Variants in PNKP observed in about 807,000 individuals in gnomAD.
PNKP encodes the protein bifunctional polynucleotide phosphatase/kinase.
Under a neutral mutation model 66.2 loss-of-function variants are expected in PNKP, and 82 were observed. The ratio of observed to expected loss-of-function variants is 1.24; its 90% confidence interval spans 1.04 to 1.49. The LOEUF (loss-of-function observed/expected upper bound fraction) is 1.49, where lower values mean the gene tolerates loss of function less well. Ranked by LOEUF, PNKP falls within the 40% of genes most tolerant of loss-of-function variation. The probability of loss-of-function intolerance (pLI) is 0.00; values close to 1 mark genes in which losing one functional copy is unlikely to be tolerated. For synonymous variants in PNKP, 412 were observed against 298.9 expected (o/e 1.38, Z -3.90); for missense variants, 907 against 706.8 (o/e 1.28, Z -3.21).
rs754981151 is a variant in PNKP at position 49,861,812 on chromosome 19, C to A, written c.1258G>T (p.Ala420Ser). Residue 420 changes from alanine (A) to serine (S), a missense_variant, in exon 14 of 17, where the codon GCC (alanine) becomes TCC (serine). By Grantham distance (99) the Ala-to-Ser change is moderately conservative. Coordinates refer to ENST00000322344, the MANE Select transcript of PNKP (RefSeq NM_007254.4). Reference protein sequence around the residue: ...ETALKQGKRVAIDNTNPDAAS... With the variant: ...ETALKQGKRVSIDNTNPDAAS... Reference sequence around the variant, plus strand: ...GCGTCTGGGTTTGTGTTGTCGATGGCGACCCGTTTCCCTTGCTTCAGGGCT... The same window carrying A: ...GCGTCTGGGTTTGTGTTGTCGATGGAGACCCGTTTCCCTTGCTTCAGGGCT... 18 of 1,581,774 alleles carry A rather than the reference C, an allele frequency of 1.1e-5. No homozygotes were observed. The South Asian group carries it at 1.9e-4, about 17-fold the overall frequency.
intron 14 of PNKP, 25 bp downstream of exon 14, chr19:49,861,747 A>C (rs1309726675): frequency 6.4e-7 from 1 of 1,556,984 alleles, no homozygotes; most frequent in Non-Finnish European, 8.7e-7. Flanking sequence ...GCCGCAGGCC[A>C]CCTACGGCCC....
intron 2 of PNKP, 120 bp downstream of exon 2, chr19:49,866,934 G>A (rs1173725916): frequency 1.1e-6 from 1 of 932,364 alleles, no homozygotes; most frequent in Non-Finnish European, 1.8e-6. Flanking sequence ...TCCCTAGAGA[G>A]CACCTTCCGA....
intron 2 of PNKP, chr19:49,866,678 T>C: frequency 1.6e-6 from 1 of 630,790 alleles, no homozygotes; most frequent in South Asian, 1.8e-5. Context: ...GGTTTCCTCC[T>C]TGACAAAAAA....
intron 5 of PNKP, 24 bp from the exon 6 acceptor site, chr19:49,864,260 G>C (rs2074801998): frequency 6.2e-7 from 1 of 1,613,708 alleles, no homozygotes; most frequent in Admixed American, 1.7e-5. Flanking sequence ...GAAGCGGCAG[G>C]GGTGACCCGG....
At position 49,864,334 on chromosome 19, in the gene PNKP, T is replaced by C. The variant is rs1433797074; in HGVS notation, c.568A>G (p.Ser190Gly). The change falls in exon 5 of 17, where the codon AGT becomes GGT. Residue 190 changes from serine (S) to glycine (G), a missense_variant. Coordinates refer to ENST00000322344, the MANE Select transcript of PNKP (RefSeq NM_007254.4). ...TTTGCCTCTTATCACCTCCAGTCAC[T>C]GGGGCCAGTGGGAAAGACCTTCCCA... Reference protein sequence around the residue: ...RSGKVFPTGPSDWRILYPEIP... With the variant: ...RSGKVFPTGPGDWRILYPEIP... 6.2e-7 allele frequency: 1 copy of C among 1,613,782 alleles called. No homozygotes were observed. The highest frequency in any genetic ancestry group is 8.5e-7 in the Non-Finnish European group (1 of 1,179,736).
intron 8 of PNKP, among the ~76,000 whole-genome samples, 164 bp downstream of exon 8, chr19:49,863,525 C>T (rs952978889): frequency 2.0e-5 from 3 of 152,236 alleles, no homozygotes; most frequent in African/African-American, 7.2e-5. Context: ...AGTCTGAAAG[C>T]ACTGGTCTCG....
chr19:49,864,173 A>C lies in PNKP; in HGVS notation c.636+6T>G. The stretch of plus-strand genomic sequence containing the variant: ...CGTGCCCATGCAGACAGGCGGCTGC[A>C]CATACCTTGTAGCCCTCGGCTTCCA... On this transcript the variant is annotated splice_donor_region_variant and intron_variant, in intron 6 of 16. Coordinates refer to ENST00000322344, the MANE Select transcript of PNKP (RefSeq NM_007254.4). 1 of 1,614,112 alleles carries C rather than the reference A, an allele frequency of 6.2e-7. No individual in the cohort carries two copies. Among genetic ancestry groups the C allele is most frequent in the Non-Finnish European group, 8.5e-7 (1 of 1,179,966 alleles).
In PNKP at chr19:49,865,230, T is replaced by A; in HGVS notation, c.395A>T (p.Asp132Val). The A allele has an allele frequency of 6.2e-7, 1 of 1,614,196 alleles. No homozygotes were observed. The highest frequency in any genetic ancestry group is 8.5e-7 in the Non-Finnish European group (1 of 1,180,018). ...CATACGCTTCTTCGGCAGCTCAGCA[T>A]CTCTCTTCTCATCTTGGGACACCAG... is the stretch of plus-strand genomic sequence containing the variant. ...TPLVSQDEKR[D>V]AELPKKRMRK... The change falls in exon 4 of 17, where the codon GAT becomes GTT. Residue 132 changes from aspartate (D) to valine (V), a missense_variant. Coordinates refer to ENST00000322344, the MANE Select transcript of PNKP (RefSeq NM_007254.4).
At position 49,867,236 on chromosome 19, in the gene PNKP, G is replaced by A; in HGVS notation, c.-13-19C>T. 1 of 1,590,014 alleles carries A rather than the reference G, an allele frequency of 6.3e-7. No individual in the cohort carries two copies. The highest frequency in any genetic ancestry group is 8.6e-7 in the Non-Finnish European group (1 of 1,168,268). On this transcript the variant is annotated intron_variant, in intron 1 of 16. Coordinates refer to ENST00000322344, the MANE Select transcript of PNKP (RefSeq NM_007254.4). ...TGCCGGCCTGGGGAGCAGGTAAACG[G>A]GCTTGAGCGGCGCACAGCCCCAATT...
chr19:49,862,568 C>T lies in PNKP; in HGVS notation c.906G>A (p.Lys302=), dbSNP rs1555811171. The change falls in exon 10 of 17, where the codon AAG becomes AAA. Residue 302 remains lysine, a synonymous_variant. Coordinates refer to ENST00000322344, the MANE Select transcript of PNKP (RefSeq NM_007254.4). ...GRPANWAPGR[K]KKDFSCADRL... is the part of the protein sequence containing the mutation. ...GATCGGCGCAGGAGAAGTCTTTCTT[C>T]TTCCGCCCCGGGGCCCAGTTGGCCG... 1 of 1,612,872 alleles carries T rather than the reference C, an allele frequency of 6.2e-7. No homozygotes were observed. The highest frequency in any genetic ancestry group is 1.7e-5 in the Admixed American group (1 of 59,914).
chr19:49,867,338 G>A (rs2074829519), intron 1 of PNKP, 121 bp from the exon 2 acceptor site: 10 of 1,071,958 alleles, frequency 9.3e-6, no homozygotes, highest in Admixed American at 2.6e-5. Context: ...AGTCCCACCC[G>A]CTCGCCTTCC....
intron 16 of PNKP, 28 bp downstream of exon 16, chr19:49,861,421 C>A: frequency 6.2e-7 from 1 of 1,614,082 alleles, no homozygotes. Context: ...CAGCCAGTGC[C>A]CCTGCCCCCT....
In PNKP at chr19:49,862,861, T is replaced by C. The variant is rs1164869048; in HGVS notation, c.817-123A>G. 1.5e-5 allele frequency: 15 copies of C among 1,021,736 alleles called. 1 individual carries two copies. The highest frequency in any genetic ancestry group is 2.0e-5 in the Non-Finnish European group (13 of 666,498). The allele number at this position is 1,021,736 out of a possible 1,614,324, so 63.3% of individuals were successfully genotyped here. Reference sequence around the variant, plus strand: ...AGGAATCATCCCCCGACCTTTCATGTCCTCACTCTCCAGCCACTTTGCACC... The same window carrying C: ...AGGAATCATCCCCCGACCTTTCATGCCCTCACTCTCCAGCCACTTTGCACC... On this transcript the variant is annotated intron_variant, in intron 8 of 16. Transcript: ENST00000322344.
chr19:49,865,598 A>C, intron 3 of PNKP, 172 bp from the exon 4 acceptor site: 1 of 527,884 alleles, frequency 1.9e-6, no homozygotes, highest in East Asian at 3.2e-5. Context: ...GCCTTGTCCG[A>C]ATCTTTTTTT....
At chr19:49,863,781 C>A (rs749442305) in intron 7 of PNKP, 21 bp from the exon 8 acceptor site, 15 of 1,550,958 alleles carry the variant, frequency 9.7e-6, no homozygotes, top group South Asian at 8.3e-5. Context: ...GAGGGGGCCA[C>A]CAGCTTTAGC....
At chr19:49,866,723 A>G in intron 2 of PNKP, 1 of 598,294 alleles carries the variant, frequency 1.7e-6, no homozygotes, top group South Asian at 2.0e-5. Context: ...TTGGCCTGTT[A>G]CCATCCATCC....
chr19:49,867,023 C>A (rs763097393), intron 2 of PNKP, 31 bp downstream of exon 2: 17 of 1,609,870 alleles, frequency 1.1e-5, no homozygotes, highest in Non-Finnish European at 1.4e-5. Context: ...TTGCAGCAGG[C>A]CACACCCCCT....
Position 49,862,742 on chromosome 19 carries a change from C to T in PNKP, c.817-4G>A, listed in dbSNP as rs377241372. Reference sequence around the variant, plus strand: ...ATATGGGCGTGCCGTCGTTGGCCTACGGGAGACGGTAGTGAGGAGGCCCTT... The same window carrying T: ...ATATGGGCGTGCCGTCGTTGGCCTATGGGAGACGGTAGTGAGGAGGCCCTT... On this transcript the variant is annotated splice_polypyrimidine_tract_variant and splice_region_variant and intron_variant, in intron 8 of 16. Transcript: ENST00000322344. The T allele has an allele frequency of 4.3e-6, 7 of 1,613,948 alleles. No homozygotes were observed. Among genetic ancestry groups the T allele is most frequent in the East Asian group, 2.2e-5 (1 of 44,880 alleles).
At position 49,863,774 on chromosome 19, in the gene PNKP, G is replaced by T; in HGVS notation, c.745-14C>A. 1 of 1,555,530 alleles carries T rather than the reference G, an allele frequency of 6.4e-7. No individual in the cohort carries two copies. Among genetic ancestry groups the T allele is most frequent in the Non-Finnish European group, 8.7e-7 (1 of 1,148,776 alleles). ...GGCCACCAGCACCTGTGGATGGGAGGGGGCCACCAGCTTTAGCTCCCCCTC... is the reference window on the plus strand; with the variant it reads ...GGCCACCAGCACCTGTGGATGGGAGTGGGCCACCAGCTTTAGCTCCCCCTC... On this transcript the variant is annotated splice_polypyrimidine_tract_variant and intron_variant, in intron 7 of 16. Transcript: ENST00000322344.
Sources: allele counts gnomAD v4.1 joint callset (sites outside exome capture counted in the v4.1 genomes callset), GRCh38; gene constraint gnomAD v4.1.1; transcripts MANE v1.5; gene names NCBI Gene and HGNC (gene_info 2026-07-23, HGNC 2026-07-21).